Variants in CRHR2 observed in about 807,000 individuals in gnomAD.
CRHR2 encodes corticotropin-releasing hormone receptor 2.
A neutral mutation model predicts 57.9 loss-of-function variants in CRHR2; 53 were observed. That is an observed-to-expected ratio of 0.92 (90% confidence interval 0.73 to 1.15). CRHR2 has a LOEUF of 1.15. Ranked by LOEUF, CRHR2 falls within the 50% of genes most tolerant of loss-of-function variation. The probability of loss-of-function intolerance (pLI) is 0.00; values close to 1 mark genes in which losing one functional copy is unlikely to be tolerated. For missense variants in CRHR2, 532 were observed against 542.6 expected, an observed-to-expected ratio of 0.98 and a Z score of 0.19; for synonymous variants, 213 against 220.9, an observed-to-expected ratio of 0.96 and a Z score of 0.32.
intron 1 of CRHR2, among the ~76,000 whole-genome samples, chr7:30,695,975 T>G (rs1175531979): frequency 1.3e-5 from 2 of 152,162 alleles, no homozygotes; most frequent in East Asian, 3.9e-4. Context: ...GTAGGGCTGC[T>G]AAGTAAAATA....
At chr7:30,685,432 G>C (rs1784836049), upstream of CRHR2, among the ~76,000 whole-genome samples, 1 of 152,218 alleles carries the variant, frequency 6.6e-6, no homozygotes, top group Non-Finnish European at 1.5e-5. Context: ...AGACTACATA[G>C]AGAGGGAGTC....
In CRHR2 at chr7:30,654,400, C is replaced by T. The variant is rs564735695; in HGVS notation, c.1095+639G>A. On this transcript the variant is annotated intron_variant, in intron 11 of 11. Coordinates refer to ENST00000471646, the MANE Select transcript of CRHR2 (RefSeq NM_001883.5). ...GAGACACAGGCCTGCATAGACACCT[C>T]GCCAGTGCCCTGTGCAGAGACAGGC... Among the ~76,000 whole-genome samples, 257 of 152,322 alleles carry T rather than the reference C, an allele frequency of 1.7e-3. 1 individual carries two copies. The South Asian group carries it at 0.021, about 12-fold the overall frequency.
chr7:30,700,084 G>T, exon 1 of CRHR2: 1 of 1,263,656 alleles, frequency 7.9e-7, no homozygotes, highest in Non-Finnish European at 1.0e-6. Flanking sequence ...CAGCACGGTG[G>T]TCACACCCTG....
At chr7:30,678,351 A>T (rs936638477) in intron 2 of CRHR2, among the ~76,000 whole-genome samples, 4 of 152,232 alleles carry the variant, frequency 2.6e-5, no homozygotes, top group Non-Finnish European at 5.9e-5. Flanking sequence ...TGGTGCAAGG[A>T]TTAAATGAGT....
intron 2 of CRHR2, among the ~76,000 whole-genome samples, chr7:30,681,607 A>G (rs1376652287): frequency 6.6e-6 from 1 of 152,200 alleles, no homozygotes. Flanking sequence ...GGCAACGGGA[A>G]CCTACAATGA....
intron 3 of CRHR2, among the ~76,000 whole-genome samples, chr7:30,666,714 G>A (rs982406839): frequency 2.6e-5 from 4 of 152,258 alleles, no homozygotes; most frequent in African/African-American, 7.2e-5. Context: ...GGAATGAGGC[G>A]TAGCCTCAAG....
intron 1 of CRHR2, among the ~76,000 whole-genome samples, chr7:30,695,402 C>T (rs1785037104): frequency 6.6e-6 from 1 of 152,110 alleles, no homozygotes; most frequent in African/African-American, 2.4e-5. Context: ...AGTTCCCCTC[C>T]AGCTCCCCCG....
chr7:30,664,149 T>C lies in CRHR2; in HGVS notation c.543+921A>G, dbSNP rs190827717. 1.6e-3 allele frequency among the ~76,000 whole-genome samples: 242 copies of C among 152,322 alleles called. 3 individuals carry two copies. Among genetic ancestry groups the C allele is most frequent in the African/African-American group, 5.3e-3 (222 of 41,570 alleles). ...GAACCTGTTTGATTCTGAGGCAGTGTTCTATGTGGGACCATGTTAAGGATC... is the reference window on the plus strand; with the variant it reads ...GAACCTGTTTGATTCTGAGGCAGTGCTCTATGTGGGACCATGTTAAGGATC... On this transcript the variant is annotated intron_variant, in intron 5 of 11. Transcript: ENST00000471646.
chr7:30,698,756 G>A (rs1045681504), intron 1 of CRHR2, among the ~76,000 whole-genome samples: 7 of 152,178 alleles, frequency 4.6e-5, no homozygotes, highest in Admixed American at 1.3e-4. Flanking sequence ...CAAAAGCATA[G>A]CTGGCATTCA....
At chr7:30,681,182 G>C (rs2128148254) in intron 2 of CRHR2, among the ~76,000 whole-genome samples, 1 of 152,230 alleles carries the variant, frequency 6.6e-6, no homozygotes, top group South Asian at 2.1e-4. Context: ...TTTCCCCAGA[G>C]CCTCAAGCCA....
rs748820749 is a variant in CRHR2, at chr7:30,665,063, C to G, written c.543+7G>C. Reference sequence around the variant, plus strand: ...AGGTATAGCCCCGAGTCTCCCCGAGCAATGACCTCATTGCTCTCGTGCACT... The same window carrying G: ...AGGTATAGCCCCGAGTCTCCCCGAGGAATGACCTCATTGCTCTCGTGCACT... On this transcript the variant is annotated splice_region_variant and intron_variant, in intron 5 of 11. Coordinates refer to ENST00000471646, the MANE Select transcript of CRHR2 (RefSeq NM_001883.5). The surrounding 1 kb of genome is among the most constrained non-coding windows in gnomAD (Gnocchi z 4.5). 63 of 1,612,546 alleles carry G rather than the reference C, an allele frequency of 3.9e-5. No homozygotes were observed. Among genetic ancestry groups the G allele is most frequent in the Non-Finnish European group, 5.2e-5 (61 of 1,178,798 alleles).
At chr7:30,655,450 C>T in intron 10 of CRHR2, 130 bp downstream of exon 10, 1 of 1,188,576 alleles carries the variant, frequency 8.4e-7, no homozygotes, top group African/African-American at 1.5e-5. Context: ...CATGTACGGG[C>T]TTCTAACTCT....
intron 6 of CRHR2, 59 bp from the exon 7 acceptor site, chr7:30,662,275 A>C: frequency 6.3e-7 from 1 of 1,583,964 alleles, no homozygotes. Flanking sequence ...TTCTTGTAGG[A>C]CATACCGTGG....
chr7:30,676,290 C>G (rs1784513993), intron 2 of CRHR2, among the ~76,000 whole-genome samples: 1 of 152,220 alleles, frequency 6.6e-6, no homozygotes, highest in Non-Finnish European at 1.5e-5. Flanking sequence ...GATGGCCATG[C>G]CTGTCCCACC....
intron 1 of CRHR2, among the ~76,000 whole-genome samples, chr7:30,690,799 C>A (rs1784945430): frequency 6.6e-6 from 1 of 152,166 alleles, no homozygotes; most frequent in African/African-American, 2.4e-5. Flanking sequence ...GAGGCAGACA[C>A]CACTTGGAGG....
At chr7:30,658,716 A>G (rs1783881494) in intron 8 of CRHR2, among the ~76,000 whole-genome samples, 1 of 152,256 alleles carries the variant, frequency 6.6e-6, no homozygotes, top group African/African-American at 2.4e-5. Flanking sequence ...AAATAGTCAC[A>G]GAGACCACTA....
intron 1 of CRHR2, among the ~76,000 whole-genome samples, chr7:30,691,934 A>T (rs775872197): frequency 6.6e-6 from 1 of 152,174 alleles, no homozygotes; most frequent in East Asian, 1.9e-4. Flanking sequence ...AGGGACAGAC[A>T]TATCTTGGAT....
At chr7:30,686,752 A>C (rs1219702187), upstream of CRHR2, 12 of 351,334 alleles carry the variant, frequency 3.4e-5, no homozygotes, top group Admixed American at 4.8e-4. Context: ...GATGAATAAA[A>C]TAGAAATAAT....
exon 1 of CRHR2, chr7:30,700,073 C>CCGG: frequency 7.5e-7 from 1 of 1,337,118 alleles, no homozygotes; most frequent in East Asian, 3.1e-5. Context: ...AGCCTGCTGC[C>CCGG]CAGCACGGTG....
Sources: allele counts gnomAD v4.1 joint callset (sites outside exome capture counted in the v4.1 genomes callset), GRCh38; gene constraint gnomAD v4.1.1; non-coding constraint Gnocchi (gnomAD v3.1); transcripts MANE v1.5; gene names NCBI Gene and HGNC (gene_info 2026-07-23, HGNC 2026-07-21).